The following HTR1B variants were observed in gnomAD, a reference collection of about 807,000 sequenced individuals.
The protein encoded by HTR1B is 5-hydroxytryptamine (serotonin) receptor 1B, G protein-coupled.
HTR1B carries 12 observed loss-of-function variants against 25.3 expected under a neutral mutation model. That is an observed-to-expected ratio of 0.47 (90% CI 0.30 to 0.77). The LOEUF is 0.77. Among genes scored for constraint, HTR1B ranks in the 30% least tolerant of loss-of-function variants. HTR1B has a pLI of 0.06. For synonymous variants in HTR1B, 224 were observed against 219.1 expected, an observed-to-expected ratio of 1.02 and a Z score of -0.20; for missense variants, 453 against 503.0, an observed-to-expected ratio of 0.90 and a Z score of 0.95.
At position 77,462,292 on chromosome 6, in the gene HTR1B, A is replaced by T; in HGVS notation, c.1112T>A (p.Met371Lys). 1.9e-6 allele frequency: 3 copies of T among 1,614,110 alleles called. No homozygotes were observed. Among genetic ancestry groups the T allele is most frequent in the Non-Finnish European group, 2.5e-6 (3 of 1,179,942 alleles). Reference sequence around the variant, plus strand: ...TGCTTGTTTAAAGTCCTCATTGGACATGGTATAGATTATGGGGTTGATGAG... The same window carrying T: ...TGCTTGTTTAAAGTCCTCATTGGACTTGGTATAGATTATGGGGTTGATGAG... ...NSLINPIIYT[M>K]SNEDFKQAFH... is the part of the protein sequence containing the mutation. Residue 371 changes from methionine (M) to lysine (K), a missense_variant, in exon 1 of 1, where the codon ATG becomes AAG. Met to Lys is a moderately conservative substitution (Grantham distance 95, BLOSUM62 -1). Coordinates refer to ENST00000369947, the MANE Select transcript of HTR1B (RefSeq NM_000863.3). This position sits in a 1 kb window ranked among gnomAD's most constrained non-coding sequence, Gnocchi z 4.9.
rs754772759 is a variant in HTR1B at position 77,463,447 on chromosome 6, A to AGC, written c.-46_-45dup. ...TCCGGAGCGCAGCTCTTGGGCATGG[A>AGC]GCGGACGAAGGAGAGGGCGGAAGGA... On this transcript the variant is annotated 5_prime_UTR_variant, in exon 1 of 1. Coordinates refer to ENST00000369947, the MANE Select transcript of HTR1B (RefSeq NM_000863.3). The AGC allele has an allele frequency of 3.2e-6, 5 of 1,539,126 alleles. No homozygotes were observed. Among genetic ancestry groups the AGC allele is most frequent in the Non-Finnish European group, 4.4e-6 (5 of 1,128,974 alleles).
rs748151504 is a variant in HTR1B, at chr6:77,463,454, G to T, written c.-51C>A. The T allele has an allele frequency of 2.0e-6, 3 of 1,487,928 alleles. No individual in the cohort carries two copies. The highest frequency in any genetic ancestry group is 2.8e-6 in the Non-Finnish European group (3 of 1,087,474). 92.2% of individuals were successfully genotyped at this position (1,487,928 alleles called of 1,614,324 possible). A position where few individuals can be genotyped will look rare whatever the true frequency, so the allele number is the denominator to read the frequency against. ...CGCAGCTCTTGGGCATGGAGCGGAC[G>T]AAGGAGAGGGCGGAAGGACCGTGGC... is the stretch of plus-strand genomic sequence containing the variant. On this transcript the variant is annotated 5_prime_UTR_variant, in exon 1 of 1. Coordinates refer to ENST00000369947, the MANE Select transcript of HTR1B (RefSeq NM_000863.3).
chr6:77,462,861 C>A lies in HTR1B; in HGVS notation c.543G>T (p.Ser181=), dbSNP rs778296318. The change falls in exon 1 of 1, where the codon TCG becomes TCT. Residue 181 remains serine (S), a synonymous_variant. Coordinates refer to ENST00000369947, the MANE Select transcript of HTR1B (RefSeq NM_000863.3). This position sits in a 1 kb window ranked among gnomAD's most constrained non-coding sequence, Gnocchi z 4.9. ...CCTGACGCCAGAAGAAGGGCGGCAG[C>A]GAGATAGAGATGGAGAAGACCCACA... ...ALVWVFSISI[S]LPPFFWRQAK... The A allele has an allele frequency of 1.9e-6, 3 of 1,613,858 alleles. No individual in the cohort carries two copies. The Admixed American group carries it at 5.0e-5, about 27-fold the overall frequency.
chr6:77,463,159 G>T lies in HTR1B; in HGVS notation c.245C>A (p.Thr82Asn), dbSNP rs1766167265. The T allele has an allele frequency of 3.1e-6, 5 of 1,614,128 alleles. No homozygotes were observed. In the South Asian group the frequency reaches 4.4e-5, roughly 14 times the overall value. ...AGAGGCGATCAGGTAGTTAGCCGGG[G>T]TGTGCAGTTTCCGGGTCCGGTACAC... is the stretch of plus-strand genomic sequence containing the variant. ...ATVYRTRKLHTPANYLIASLA... is the reference protein window; with the variant it reads ...ATVYRTRKLHNPANYLIASLA... Residue 82 changes from threonine (T) to asparagine (N), a missense_variant, in exon 1 of 1, where the codon ACC (threonine) becomes AAC (asparagine). Thr to Asn is a moderately conservative substitution (Grantham distance 65, BLOSUM62 0). Transcript: ENST00000369947.
At position 77,461,318 on chromosome 6, in the gene HTR1B, C is replaced by A. The variant is rs1326609914; in HGVS notation, c.*913G>T. Among the ~76,000 whole-genome samples the A allele has an allele frequency of 6.6e-6, 1 of 152,110 alleles. No individual in the cohort carries two copies. The highest frequency in any genetic ancestry group is 1.9e-4 in the East Asian group (1 of 5,196). ...TATAGCAGCAGTGTGGGCTGAGTCA[C>A]CCATCATACCCTTCATTTATGGGGA... On this transcript the variant is annotated 3_prime_UTR_variant, in exon 1 of 1. Coordinates refer to ENST00000369947, the MANE Select transcript of HTR1B (RefSeq NM_000863.3).
Position 77,461,452 on chromosome 6 carries a change from A to T in HTR1B, c.*779T>A, listed in dbSNP as rs1178860459. Among the ~76,000 whole-genome samples, 1 of 152,200 alleles carries T rather than the reference A, an allele frequency of 6.6e-6. No homozygotes were observed. On this transcript the variant is annotated 3_prime_UTR_variant, in exon 1 of 1. Transcript: ENST00000369947. ...GTTTGTTTGTTAGAGTTGTGGCTTGACAATCGCTAAACAGGAATTACAAAA... is the reference window on the plus strand; with the variant it reads ...GTTTGTTTGTTAGAGTTGTGGCTTGTCAATCGCTAAACAGGAATTACAAAA...
chr6:77,461,847 TC>T lies in HTR1B; in HGVS notation c.*383del. ...TATGTAGATCTGTCTCAGACAGGCT[TC>T]AGACAACAATTACAAGTACACTGCT... On this transcript the variant is annotated 3_prime_UTR_variant, in exon 1 of 1. Transcript: ENST00000369947. The T allele has an allele frequency of 1.0e-4, 20 of 199,690 alleles. No individual in the cohort carries two copies. The highest frequency in any genetic ancestry group is 3.0e-4 in the South Asian group (3 of 10,030). The allele number at this position is 199,690 out of a possible 1,614,324, so 12.4% of individuals were successfully genotyped here. A position where few individuals can be genotyped will look rare whatever the true frequency, so the allele number is the denominator to read the frequency against.
In HTR1B at chr6:77,463,333, T is replaced by G; in HGVS notation, c.71A>C (p.Asn24Thr). 6.2e-7 allele frequency: 1 copy of G among 1,614,070 alleles called. No individual in the cohort carries two copies. Among genetic ancestry groups the G allele is most frequent in the Non-Finnish European group, 8.5e-7 (1 of 1,180,012 alleles). ...AGSETWVPQA[N>T]LSSAPSQNCS... ...GTTTTGGGAGGGAGCAGAGGATAAGTTGGCTTGAGGAACCCAGGTCTCGGA... is the reference window on the plus strand; with the variant it reads ...GTTTTGGGAGGGAGCAGAGGATAAGGTGGCTTGAGGAACCCAGGTCTCGGA... Residue 24 changes from asparagine (N) to threonine (T), a missense_variant, in exon 1 of 1, where the codon AAC (asparagine) becomes ACC (threonine). Transcript: ENST00000369947.
Position 77,462,711 on chromosome 6 carries a change from G to T in HTR1B, c.693C>A (p.Ile231=). 6.2e-7 allele frequency: 1 copy of T among 1,613,886 alleles called. No homozygotes were observed. The highest frequency in any genetic ancestry group is 8.5e-7 in the Non-Finnish European group (1 of 1,180,038). Residue 231 remains isoleucine, a synonymous_variant, in exon 1 of 1, where the codon ATC becomes ATA. Coordinates refer to ENST00000369947, the MANE Select transcript of HTR1B (RefSeq NM_000863.3). The surrounding 1 kb of genome is among the most constrained non-coding windows in gnomAD (Gnocchi z 4.9). Reference sequence around the variant, plus strand: ...AAATCCGGGAGCGGGCTTCTACGTAGATGCGGCCATAGAGGGCGATGAGGA... The same window carrying T: ...AAATCCGGGAGCGGGCTTCTACGTATATGCGGCCATAGAGGGCGATGAGGA... ...TLLLIALYGR[I]YVEARSRILK...
Position 77,463,044 on chromosome 6 carries a change from C to T in HTR1B, c.360G>A (p.Val120=), listed in dbSNP as rs762002658. ...CCGACGACAGCCAGAAGTCACAGAC[C>T]ACCTGGCCCAGTGTCCAGCGGCCGG... ...TVTGRWTLGQ[V]VCDFWLSSDI... The change falls in exon 1 of 1, where the codon GTG becomes GTA. Residue 120 remains valine, a synonymous_variant. Transcript: ENST00000369947. 3 of 1,614,178 alleles carry T rather than the reference C, an allele frequency of 1.9e-6. No individual in the cohort carries two copies. Among genetic ancestry groups the T allele is most frequent in the South Asian group, 2.2e-5 (2 of 91,086 alleles).
chr6:77,462,945 G>T lies in HTR1B; in HGVS notation c.459C>A (p.Asp153Glu), dbSNP rs1766163002. The T allele has an allele frequency of 1.9e-6, 3 of 1,613,948 alleles. No homozygotes were observed. The Admixed American group carries it at 5.0e-5, about 27-fold the overall frequency. ...IALDRYWAIT[D>E]AVEYSAKRTP... The stretch of plus-strand genomic sequence containing the variant: ...TCCTTTTAGCTGAGTACTCCACGGC[G>T]TCCGTGATGGCCCAGTAGCGGTCCA... The change falls in exon 1 of 1, where the codon GAC (aspartate) becomes GAA (glutamate). Residue 153 changes from aspartate to glutamate, a missense_variant. Physicochemically the swap from Asp to Glu is conservative, Grantham distance 45 (BLOSUM62 2). This residue lies in a region of HTR1B where 289 missense variants were observed against 319.6 expected (regional missense o/e 0.90). Transcript: ENST00000369947. The surrounding 1 kb of genome is among the most constrained non-coding windows in gnomAD (Gnocchi z 4.9).
Position 77,462,000 on chromosome 6 carries a change from G to A in HTR1B, c.*231C>T, listed in dbSNP as rs73469291. 3,339 of 518,896 alleles carry A rather than the reference G, an allele frequency of 6.4e-3. 94 individuals are homozygous for A. Among genetic ancestry groups the A allele is most frequent in the African/African-American group, 0.058 (3,028 of 52,524 alleles). The allele number at this position is 518,896 out of a possible 1,614,324, so 32.1% of individuals were successfully genotyped here. On this transcript the variant is annotated 3_prime_UTR_variant, in exon 1 of 1. Coordinates refer to ENST00000369947, the MANE Select transcript of HTR1B (RefSeq NM_000863.3). ...CAGTGCTGAGCCCGGGGCTTGAGGGGAGGAAGTGAGCCTCCTCCTGGGCAG... is the reference window on the plus strand; with the variant it reads ...CAGTGCTGAGCCCGGGGCTTGAGGGAAGGAAGTGAGCCTCCTCCTGGGCAG...
In HTR1B at chr6:77,462,225, G is replaced by C. The variant is rs770905837; in HGVS notation, c.*6C>G. 39 of 1,600,170 alleles carry C rather than the reference G, an allele frequency of 2.4e-5. No individual in the cohort carries two copies. The highest frequency in any genetic ancestry group is 3.4e-5 in the Admixed American group (2 of 59,544). On this transcript the variant is annotated 3_prime_UTR_variant, in exon 1 of 1. Transcript: ENST00000369947. The surrounding 1 kb of genome is among the most constrained non-coding windows in gnomAD (Gnocchi z 4.9). ...TCGCTTAGGCGACCCCACTGCAAAC[G>C]GCAAGTCAACTTGTGCACTTAAAAC...
chr6:77,461,426 G>A lies in HTR1B; in HGVS notation c.*805C>T, dbSNP rs550641100. ...AGACTTCGGCACTAGCACACATAAT[G>A]GTTTGTTTGTTAGAGTTGTGGCTTG... On this transcript the variant is annotated 3_prime_UTR_variant, in exon 1 of 1. Coordinates refer to ENST00000369947, the MANE Select transcript of HTR1B (RefSeq NM_000863.3). 5.3e-5 allele frequency among the ~76,000 whole-genome samples: 8 copies of A among 152,174 alleles called. No individual in the cohort carries two copies. In the South Asian group the frequency reaches 6.2e-4, roughly 12 times the overall value.
At position 77,462,496 on chromosome 6, in the gene HTR1B, T is replaced by A; in HGVS notation, c.908A>T (p.Lys303Ile). 6.2e-7 allele frequency: 1 copy of A among 1,613,826 alleles called. No individual in the cohort carries two copies. The highest frequency in any genetic ancestry group is 8.5e-7 in the Non-Finnish European group (1 of 1,179,988). Residue 303 changes from lysine to isoleucine, a missense_variant, in exon 1 of 1, where the codon AAA becomes ATA. Lys to Ile is a moderately radical substitution (Grantham distance 102). Coordinates refer to ENST00000369947, the MANE Select transcript of HTR1B (RefSeq NM_000863.3). This position sits in a 1 kb window ranked among gnomAD's most constrained non-coding sequence, Gnocchi z 4.9. ...TTTGCGCTCCCTAGCGGCCATGAGT[T>A]TCTTCTTTTCCAGCAGGGCGTCGGA... Reference protein sequence around the residue: ...RVSDALLEKKKLMAARERKAT... With the variant: ...RVSDALLEKKILMAARERKAT...
rs199613148 is a variant in HTR1B, at chr6:77,462,707, C to A, written c.697G>T (p.Val233Leu). The A allele has an allele frequency of 1.3e-5, 21 of 1,613,630 alleles. No individual in the cohort carries two copies. Among genetic ancestry groups the A allele is most frequent in the South Asian group, 3.3e-5 (3 of 91,064 alleles). Residue 233 changes from valine (V) to leucine (L), a missense_variant, in exon 1 of 1, where the codon GTA becomes TTA. By Grantham distance (32) the Val-to-Leu change is conservative. Transcript: ENST00000369947. This position sits in a 1 kb window ranked among gnomAD's most constrained non-coding sequence, Gnocchi z 4.9. ...TTCAAAATCCGGGAGCGGGCTTCTA[C>A]GTAGATGCGGCCATAGAGGGCGATG... ...LLIALYGRIY[V>L]EARSRILKQT...
Position 77,462,838 on chromosome 6 carries a change from T to G in HTR1B, c.566A>C (p.Gln189Pro). ...CGACACCTCCTCTTCGGCCTTAGCC[T>G]GACGCCAGAAGAAGGGCGGCAGCGA... The part of the protein sequence containing the change: ...SISLPPFFWR[Q>P]AKAEEEVSEC... The change falls in exon 1 of 1, where the codon CAG (glutamine) becomes CCG (proline). Residue 189 changes from glutamine (Q) to proline (P), a missense_variant. This residue lies in a region of HTR1B where 289 missense variants were observed against 319.6 expected (regional missense o/e 0.90). Transcript: ENST00000369947. The surrounding 1 kb of genome is among the most constrained non-coding windows in gnomAD (Gnocchi z 4.9). 1 of 1,614,032 alleles carries G rather than the reference T, an allele frequency of 6.2e-7. No homozygotes were observed. The highest frequency in any genetic ancestry group is 8.5e-7 in the Non-Finnish European group (1 of 1,180,036).
Position 77,462,785 on chromosome 6 carries a change from G to A in HTR1B, c.619C>T (p.Leu207Phe). Residue 207 changes from leucine (L) to phenylalanine (F), a missense_variant, in exon 1 of 1, where the codon CTC becomes TTC. By Grantham distance (22) the Leu-to-Phe change is conservative (BLOSUM62 0). Around this residue, in one of 3 missense-constraint regions of HTR1B, gnomAD observed 289 missense variants for 319.6 expected, o/e 0.90. Coordinates refer to ENST00000369947, the MANE Select transcript of HTR1B (RefSeq NM_000863.3). This position sits in a 1 kb window ranked among gnomAD's most constrained non-coding sequence, Gnocchi z 4.9. ...CCCACCGTGGAGTAGACCGTGTAGA[G>A]GATGTGGTCGGTGTTCACCACGCAT... ...SECVVNTDHI[L>F]YTVYSTVGAF... The A allele has an allele frequency of 1.2e-6, 2 of 1,611,678 alleles. No individual in the cohort carries two copies. The highest frequency in any genetic ancestry group is 8.5e-7 in the Non-Finnish European group (1 of 1,179,154).
Position 77,462,308 on chromosome 6 carries a change from G to A in HTR1B, c.1096C>T (p.Pro366Ser). The change falls in exon 1 of 1, where the codon CCC becomes TCC. Residue 366 changes from proline (P) to serine (S), a missense_variant. Physicochemically the swap from Pro to Ser is moderately conservative, Grantham distance 74. Transcript: ENST00000369947. The surrounding 1 kb of genome is among the most constrained non-coding windows in gnomAD (Gnocchi z 4.9). Reference protein sequence around the residue: ...WLGYLNSLINPIIYTMSNEDF... With the variant: ...WLGYLNSLINSIIYTMSNEDF... ...TCATTGGACATGGTATAGATTATGG[G>A]GTTGATGAGGGAGTTGAGATAGCCC... The A allele has an allele frequency of 6.2e-7, 1 of 1,614,030 alleles. No homozygotes were observed. Among genetic ancestry groups the A allele is most frequent in the Non-Finnish European group, 8.5e-7 (1 of 1,179,914 alleles).
Sources: gnomAD v4.1 joint callset for allele counts (sites outside exome capture counted in the v4.1 genomes callset) on GRCh38, gnomAD v4.1.1 for gene constraint, gnomAD v4.1.1 regional missense constraint, Gnocchi (gnomAD v3.1) non-coding constraint, MANE v1.5 for transcripts, NCBI Gene and HGNC (gene_info 2026-07-23, HGNC 2026-07-21) for gene names.